Variants in ARMC5 observed in about 807,000 individuals in gnomAD.
ARMC5 encodes armadillo repeat-containing protein 5.
Under a neutral mutation model 60.5 loss-of-function variants are expected in ARMC5, and 28 were observed. That is an observed-to-expected ratio of 0.46 (90% CI 0.34 to 0.63). ARMC5 has a LOEUF of 0.63. Among genes scored for constraint, ARMC5 ranks in the 30% least tolerant of loss-of-function variants. ARMC5 has a pLI of 0.01. For missense variants in ARMC5, 1,189 were observed against 1,304.9 expected (o/e 0.91, Z 1.37); for synonymous variants, 680 against 607.3 (o/e 1.12, Z -1.76).
At chr16:31,465,431 T>C in intron 4 of ARMC5, 1 of 1,070,242 alleles carries the variant, frequency 9.3e-7, no homozygotes, top group South Asian at 2.4e-5. Flanking sequence ...TATGGCCTGG[T>C]TTTTCCCAGG....
intron 1 of ARMC5, among the ~76,000 whole-genome samples, chr16:31,460,917 C>T (rs1388664851): frequency 2.0e-5 from 3 of 152,314 alleles, no homozygotes; most frequent in Non-Finnish European, 4.4e-5. Context: ...TACCTGCCTT[C>T]CACGAAATTA....
rs2082328069 is a variant in ARMC5 at position 31,464,059 on chromosome 16, G to A, written c.1371-335G>A. 1.3e-5 allele frequency among the ~76,000 whole-genome samples: 2 copies of A among 152,138 alleles called. No homozygotes were observed. Among genetic ancestry groups the A allele is most frequent in the South Asian group, 4.1e-4 (2 of 4,830 alleles). On this transcript the variant is annotated intron_variant, in intron 3 of 5. Coordinates refer to ENST00000268314, the MANE Select transcript of ARMC5 (RefSeq NM_001105247.2). This position sits in a 1 kb window ranked among gnomAD's most constrained non-coding sequence, Gnocchi z 7.6. ...TAATCCTAGCACCTTGGGAGGCCAA[G>A]GCAGGAGGATCGCTTGAGCACAGGA...
rs199724060 is a variant in ARMC5, at chr16:31,465,483, G to A, written c.1865-367G>A. ...AGGATTATTACAATATTGGGATAAA[G>A]AGTAATTACTACAAACTAATGATTA... On this transcript the variant is annotated intron_variant, in intron 4 of 5. Transcript: ENST00000268314. 7.0e-6 allele frequency: 6 copies of A among 853,700 alleles called. No individual in the cohort carries two copies. The East Asian group carries it at 1.9e-4, about 27-fold the overall frequency. The allele number at this position is 853,700 out of a possible 1,614,324, so 52.9% of individuals were successfully genotyped here. A position where few individuals can be genotyped will look rare whatever the true frequency, so the allele number is the denominator to read the frequency against.
chr16:31,464,299 A>AG lies in ARMC5; in HGVS notation c.1371-95_1371-94insG. The AG allele has an allele frequency of 1.0e-6, 1 of 967,702 alleles. No homozygotes were observed. 59.9% of individuals were successfully genotyped at this position (967,702 alleles called of 1,614,324 possible). On this transcript the variant is annotated intron_variant, in intron 3 of 5. Transcript: ENST00000268314. This position sits in a 1 kb window ranked among gnomAD's most constrained non-coding sequence, Gnocchi z 7.6. ...AGGGATACCACATTTCTTTAAAAAA[A>AG]AAAAAAAAAAAAAAAAAGACGCCTC...
At chr16:31,460,082 G>C in intron 1 of ARMC5, 83 bp downstream of exon 1, 6 of 1,432,394 alleles carry the variant, frequency 4.2e-6, no homozygotes, top group Non-Finnish European at 4.8e-6. Flanking sequence ...GGAGTTCTTT[G>C]TGTCCTATCC....
rs2082330107 is a variant in ARMC5, at chr16:31,464,322, C to T, written c.1371-72C>T. 7 of 1,028,928 alleles carry T rather than the reference C, an allele frequency of 6.8e-6. No individual in the cohort carries two copies. The highest frequency in any genetic ancestry group is 8.1e-6 in the Non-Finnish European group (6 of 741,416). 63.7% of individuals were successfully genotyped at this position (1,028,928 alleles called of 1,614,324 possible). A position where few individuals can be genotyped will look rare whatever the true frequency, so the allele number is the denominator to read the frequency against. On this transcript the variant is annotated intron_variant, in intron 3 of 5. Transcript: ENST00000268314. This position sits in a 1 kb window ranked among gnomAD's most constrained non-coding sequence, Gnocchi z 7.6. Reference sequence around the variant, plus strand: ...AAAAAAAAAAAAAAAAAAAAGACGCCTCACGCCTCTTGGACTCTGCCCCTT... The same window carrying T: ...AAAAAAAAAAAAAAAAAAAAGACGCTTCACGCCTCTTGGACTCTGCCCCTT...
Position 31,464,825 on chromosome 16 carries a change from C to T in ARMC5, c.1802C>T (p.Ala601Val). ...LLRAWLVLGV[A>V]PDDWPAPRAR... ...CGGGCCTGGCTGGTGCTGGGGGTGG[C>T]GCCTGACGATTGGCCGGCACCACGT... is the stretch of plus-strand genomic sequence containing the variant. Residue 601 changes from alanine (A) to valine (V), a missense_variant, in exon 4 of 6, where the codon GCG becomes GTG. Transcript: ENST00000268314. The surrounding 1 kb of genome is among the most constrained non-coding windows in gnomAD (Gnocchi z 7.6). 1.9e-6 allele frequency: 3 copies of T among 1,596,580 alleles called. No homozygotes were observed. The highest frequency in any genetic ancestry group is 2.2e-5 in the East Asian group (1 of 44,600).
At chr16:31,458,391 G>A, upstream of ARMC5, 1 of 1,535,568 alleles carries the variant, frequency 6.5e-7, no homozygotes, top group Non-Finnish European at 8.7e-7. Context: ...GCATAGGGCC[G>A]AAGCGATGGT....
chr16:31,459,175 G>C, upstream of ARMC5: 1 of 1,517,230 alleles, frequency 6.6e-7, no homozygotes, highest in Non-Finnish European at 8.8e-7. Flanking sequence ...GCGGGGCACG[G>C]CACGAAGGCT....
chr16:31,466,448 G>C lies in ARMC5; in HGVS notation c.2367G>C (p.Leu789=). Residue 789 remains leucine, a synonymous_variant, in exon 6 of 6, where the codon CTG becomes CTC. Coordinates refer to ENST00000268314, the MANE Select transcript of ARMC5 (RefSeq NM_001105247.2). This position sits in a 1 kb window ranked among gnomAD's most constrained non-coding sequence, Gnocchi z 8.0. ...GCTTTGCAGAAGCCCAGATGGACCT[G>C]GTGCCCCTGCGAGGTCTGTCGCCTG... ...SGSFAEAQMD[L]VPLRGLSPGA... is the part of the protein sequence containing the mutation. 3 of 1,611,850 alleles carry C rather than the reference G, an allele frequency of 1.9e-6. No homozygotes were observed. The highest frequency in any genetic ancestry group is 2.5e-6 in the Non-Finnish European group (3 of 1,179,842).
At chr16:31,459,107 G>T, upstream of ARMC5, 1 of 1,480,658 alleles carries the variant, frequency 6.8e-7, no homozygotes, top group Non-Finnish European at 8.9e-7. Flanking sequence ...CCACCGCTGG[G>T]GGGCAGCGAA....
chr16:31,458,844 C>G (rs1245411602), upstream of ARMC5: 7 of 1,534,744 alleles, frequency 4.6e-6, no homozygotes, highest in Admixed American at 3.9e-5. Context: ...AAGAACTCCC[C>G]GTTTCCTAGA....
At position 31,465,218 on chromosome 16, in the gene ARMC5, C is replaced by G. The variant is rs546468119; in HGVS notation, c.1864+331C>G. Reference sequence around the variant, plus strand: ...CTGTCCTGACTGCTCCCCACCAGCACGCTGACCTGTGAACCCCAGCCTCAC... The same window carrying G: ...CTGTCCTGACTGCTCCCCACCAGCAGGCTGACCTGTGAACCCCAGCCTCAC... On this transcript the variant is annotated intron_variant, in intron 4 of 5. Coordinates refer to ENST00000268314, the MANE Select transcript of ARMC5 (RefSeq NM_001105247.2). 7.1e-6 allele frequency: 11 copies of G among 1,557,434 alleles called. No individual in the cohort carries two copies. The African/African-American group carries it at 1.3e-4, about 19-fold the overall frequency.
At chr16:31,465,643 C>G (rs2082349989) in intron 4 of ARMC5, 1 of 1,415,740 alleles carries the variant, frequency 7.1e-7, no homozygotes, top group South Asian at 1.6e-5. Flanking sequence ...CTTCAGGGGC[C>G]CAGACTTACA....
At chr16:31,461,797 G>A in intron 1 of ARMC5, 125 bp from the exon 2 acceptor site, 1 of 791,694 alleles carries the variant, frequency 1.3e-6, no homozygotes, top group Non-Finnish European at 2.1e-6. Context: ...CTTGAGCCAC[G>A]GTGCCCTGCC....
upstream of ARMC5, chr16:31,458,934 T>C (rs867845543): frequency 2.6e-6 from 4 of 1,535,462 alleles, no homozygotes; most frequent in Middle Eastern, 6.7e-4. Flanking sequence ...AACGGAAAAT[T>C]CCACAAGCCC....
chr16:31,464,426 G>C lies in ARMC5; in HGVS notation c.1403G>C (p.Gly468Ala). ...SWLISEGYAT[G>A]PDDISPDWSP... ...CTGATCTCCGAGGGCTATGCCACAG[G>C]CCCTGATGACATCTCCCCCGACTGG... The change falls in exon 4 of 6, where the codon GGC becomes GCC. Residue 468 changes from glycine to alanine, a missense_variant. Around this residue, in one of 2 missense-constraint regions of ARMC5, gnomAD observed 862 missense variants for 1,071.2 expected, o/e 0.80. Coordinates refer to ENST00000268314, the MANE Select transcript of ARMC5 (RefSeq NM_001105247.2). This position sits in a 1 kb window ranked among gnomAD's most constrained non-coding sequence, Gnocchi z 7.6. 6.4e-7 allele frequency: 1 copy of C among 1,559,866 alleles called. No individual in the cohort carries two copies. Among genetic ancestry groups the C allele is most frequent in the Non-Finnish European group, 8.7e-7 (1 of 1,154,394 alleles).
chr16:31,462,581 A>C lies in ARMC5; in HGVS notation c.1034A>C (p.Gln345Pro). 6.2e-7 allele frequency: 1 copy of C among 1,612,630 alleles called. No homozygotes were observed. The highest frequency in any genetic ancestry group is 8.5e-7 in the Non-Finnish European group (1 of 1,179,966). The stretch of plus-strand genomic sequence containing the variant: ...CCTAATGGAGCTAGCCCAACCTCCC[A>C]GCAGCCCCTGGTGCGGGCTGTGTGC... The part of the protein sequence containing the change: ...RDPNGASPTS[Q>P]QPLVRAVCLL... Residue 345 changes from glutamine to proline, a missense_variant, in exon 3 of 6, where the codon CAG (glutamine) becomes CCG (proline). By Grantham distance (76) the Gln-to-Pro change is moderately conservative. Around this residue, in one of 2 missense-constraint regions of ARMC5, gnomAD observed 862 missense variants for 1,071.2 expected, o/e 0.80. Coordinates refer to ENST00000268314, the MANE Select transcript of ARMC5 (RefSeq NM_001105247.2). This position sits in a 1 kb window ranked among gnomAD's most constrained non-coding sequence, Gnocchi z 7.2.
chr16:31,462,046 TTG>T lies in ARMC5; in HGVS notation c.583+18_583+19del. The T allele has an allele frequency of 6.2e-7, 1 of 1,613,460 alleles. No homozygotes were observed. The highest frequency in any genetic ancestry group is 8.5e-7 in the Non-Finnish European group (1 of 1,179,642). On this transcript the variant is annotated intron_variant, in intron 2 of 5. Transcript: ENST00000268314. The surrounding 1 kb of genome is among the most constrained non-coding windows in gnomAD (Gnocchi z 7.2). ...ACTGTGCTGGTAAGAGGCTGTGAGG[TTG>T]GGGTCTGCTAGGGCTTGGGGCAGAA...
Sources: allele counts gnomAD v4.1 joint callset (sites outside exome capture counted in the v4.1 genomes callset), GRCh38; gene constraint gnomAD v4.1.1; regional missense constraint gnomAD v4.1.1; non-coding constraint Gnocchi (gnomAD v3.1); transcripts MANE v1.5; gene names NCBI Gene and HGNC (gene_info 2026-07-23, HGNC 2026-07-21).